The following PCSK5 variants were observed in gnomAD, a reference collection of about 807,000 sequenced individuals.
The protein encoded by PCSK5 is prohormone convertase 5.
PCSK5 carries 129 observed loss-of-function variants against 233.2 expected under a neutral mutation model. The ratio of observed to expected loss-of-function variants is 0.55; its 90% confidence interval spans 0.48 to 0.64. The LOEUF is 0.64. Ranked by LOEUF, PCSK5 falls within the 30% of genes least tolerant of loss-of-function variation. The probability of loss-of-function intolerance (pLI) is 0.00; values close to 1 mark genes in which losing one functional copy is unlikely to be tolerated. For missense variants in PCSK5, 2,076 were observed against 2,430.1 expected, an observed-to-expected ratio of 0.85 and a Z score of 3.06; for synonymous variants, 825 against 879.2, an observed-to-expected ratio of 0.94 and a Z score of 1.09.
intron 5 of PCSK5, among the ~76,000 whole-genome samples, chr9:76,048,070 A>G (rs544962160): frequency 6.6e-6 from 1 of 151,896 alleles, no homozygotes; most frequent in African/African-American, 2.4e-5. Context: ...TCTTTCTTCC[A>G]TTTTTACTGA....
intron 10 of PCSK5, among the ~76,000 whole-genome samples, chr9:76,142,025 G>A (rs1170952120): frequency 1.5e-4 from 23 of 151,980 alleles, no homozygotes; most frequent in Admixed American, 1.4e-3. Flanking sequence ...ATAACTATTG[G>A]ATACTGGGCT....
In PCSK5 at chr9:76,323,078, G is replaced by A. The variant is rs780259704; in HGVS notation, c.4129G>A (p.Asp1377Asn). The A allele has an allele frequency of 5.6e-6, 9 of 1,606,696 alleles. No homozygotes were observed. Among genetic ancestry groups the A allele is most frequent in the Middle Eastern group, 1.7e-4 (1 of 6,052 alleles). The change falls in exon 32 of 38, where the codon GAT (aspartate) becomes AAT (asparagine). Residue 1377 changes from aspartate to asparagine, a missense_variant. Physicochemically the swap from Asp to Asn is conservative, Grantham distance 23. Around this residue, in one of 6 missense-constraint regions of PCSK5, gnomAD observed 1,510 missense variants for 1,538.1 expected, o/e 0.98. Coordinates refer to ENST00000674117, the MANE Select transcript of PCSK5 (RefSeq NM_001372043.1). ...KECTPEFFLHDDMCHQSCPRG... is the reference protein window; with the variant it reads ...KECTPEFFLHNDMCHQSCPRG... ...GTGCACGCCTGAGTTCTTCCTGCAC[G>A]ATGATATGTGCCACCAGTCCTGTCC...
intron 1 of PCSK5, among the ~76,000 whole-genome samples, chr9:75,896,538 A>G (rs906290658): frequency 6.6e-6 from 1 of 152,128 alleles, no homozygotes; most frequent in Middle Eastern, 3.2e-3. Flanking sequence ...AAGTTATGTG[A>G]AGCAGTGTCT....
At chr9:76,251,085 T>C (rs2131344541) in intron 24 of PCSK5, among the ~76,000 whole-genome samples, 1 of 151,998 alleles carries the variant, frequency 6.6e-6, no homozygotes, top group African/African-American at 2.4e-5. Flanking sequence ...CTGGGCAACA[T>C]AGCCAGATAC....
chr9:76,202,309 A>G (rs1266783883), intron 20 of PCSK5, among the ~76,000 whole-genome samples: 1 of 152,174 alleles, frequency 6.6e-6, no homozygotes, highest in Non-Finnish European at 1.5e-5. Context: ...ATATTGCAGT[A>G]TCTCCTCATT....
At position 76,272,322 on chromosome 9, in the gene PCSK5, A is replaced by T. The variant is rs116610256; in HGVS notation, c.3143-19911A>T. 4.5e-3 allele frequency among the ~76,000 whole-genome samples: 685 copies of T among 152,206 alleles called. 5 individuals are homozygous for T. The highest frequency in any genetic ancestry group is 0.016 in the African/African-American group (659 of 41,524). On this transcript the variant is annotated intron_variant, in intron 24 of 37. Transcript: ENST00000674117. ...CAGACACCATTCCCCCAGATACCACATCAGTCTTCTAACTAGTCTCTCTGA... is the reference window on the plus strand; with the variant it reads ...CAGACACCATTCCCCCAGATACCACTTCAGTCTTCTAACTAGTCTCTCTGA...
At chr9:75,956,900 G>A (rs1363224606) in intron 2 of PCSK5, among the ~76,000 whole-genome samples, 1 of 152,020 alleles carries the variant, frequency 6.6e-6, no homozygotes, top group Non-Finnish European at 1.5e-5. Context: ...GTCACAAATT[G>A]TGAAAGACCA....
Position 76,081,789 on chromosome 9 carries a change from C to G in PCSK5, c.894+9891C>G, listed in dbSNP as rs138507950. On this transcript the variant is annotated intron_variant, in intron 7 of 37. Transcript: ENST00000674117. Reference sequence around the variant, plus strand: ...GATGGCTCTCCCATTCACCCAGTCTCCCTTCCTAACCCCGAGATTTCTTCC... The same window carrying G: ...GATGGCTCTCCCATTCACCCAGTCTGCCTTCCTAACCCCGAGATTTCTTCC... Among the ~76,000 whole-genome samples, 564 of 152,196 alleles carry G rather than the reference C, an allele frequency of 3.7e-3. 5 individuals are homozygous for G. The highest frequency in any genetic ancestry group is 0.023 in the South Asian group (113 of 4,814).
intron 24 of PCSK5, among the ~76,000 whole-genome samples, chr9:76,245,317 A>G (rs1826556042): frequency 6.6e-6 from 1 of 152,214 alleles, no homozygotes; most frequent in Non-Finnish European, 1.5e-5. Flanking sequence ...TTGGGATAAA[A>G]CATATCCAAA....
chr9:75,963,759 A>C (rs993215950), intron 2 of PCSK5, among the ~76,000 whole-genome samples: 5 of 152,182 alleles, frequency 3.3e-5, no homozygotes, highest in Non-Finnish European at 7.3e-5. Context: ...CGCTCCTGTA[A>C]TCCCTGCTAC....
intron 5 of PCSK5, among the ~76,000 whole-genome samples, chr9:76,028,236 A>G (rs1828509515): frequency 6.6e-6 from 1 of 152,210 alleles, no homozygotes; most frequent in African/African-American, 2.4e-5. Context: ...GTTTTCTTTC[A>G]GACTTACTGT....
At chr9:75,912,711 G>T (rs1360752786) in intron 1 of PCSK5, among the ~76,000 whole-genome samples, 1 of 152,172 alleles carries the variant, frequency 6.6e-6, no homozygotes, top group Non-Finnish European at 1.5e-5. Context: ...GAAGGTAATT[G>T]TTGAGAATGT....
chr9:75,891,671 C>G (rs1825611596), intron 1 of PCSK5, among the ~76,000 whole-genome samples: 1 of 151,976 alleles, frequency 6.6e-6, no homozygotes, highest in South Asian at 2.1e-4. Context: ...GCTTCAGAGA[C>G]GGCTGGACCT....
At chr9:76,308,196 C>CA (rs1240055573) in intron 28 of PCSK5, among the ~76,000 whole-genome samples, 1 of 151,738 alleles carries the variant, frequency 6.6e-6, no homozygotes, top group Admixed American at 6.6e-5. Context: ...GACTCTGTCT[C>CA]AAAAAAGAAA....
chr9:76,087,674 G>C (rs1048970001), intron 7 of PCSK5, among the ~76,000 whole-genome samples: 1 of 152,204 alleles, frequency 6.6e-6, no homozygotes, highest in Non-Finnish European at 1.5e-5. Context: ...ATTTTCATTT[G>C]TGAATGGTAA....
chr9:76,341,781 T>C (rs1182532542), intron 35 of PCSK5, among the ~76,000 whole-genome samples: 1 of 152,220 alleles, frequency 6.6e-6, no homozygotes, highest in Non-Finnish European at 1.5e-5. Context: ...GAACAAGATG[T>C]TCCAGTATTC....
At chr9:76,064,352 G>C (rs1204259353) in intron 5 of PCSK5, among the ~76,000 whole-genome samples, 1 of 103,942 alleles carries the variant, frequency 9.6e-6, no homozygotes, top group Non-Finnish European at 2.0e-5. Context: ...GGCTGGCCGG[G>C]CGGGGGGCTG....
At chr9:76,331,280 T>C (rs1278061926) in intron 33 of PCSK5, among the ~76,000 whole-genome samples, 2 of 152,148 alleles carry the variant, frequency 1.3e-5, no homozygotes, top group Non-Finnish European at 2.9e-5. Flanking sequence ...TAAAGGACTT[T>C]GGGGCAGTGA....
chr9:76,172,488 G>A (rs957655277), intron 13 of PCSK5, among the ~76,000 whole-genome samples: 3 of 152,116 alleles, frequency 2.0e-5, no homozygotes, highest in Non-Finnish European at 4.4e-5. Context: ...TACACAGGAA[G>A]GATATCCCTA....
Sources: gnomAD v4.1 joint callset for allele counts (sites outside exome capture counted in the v4.1 genomes callset) on GRCh38, gnomAD v4.1.1 for gene constraint, gnomAD v4.1.1 regional missense constraint, MANE v1.5 for transcripts, NCBI Gene and HGNC (gene_info 2026-07-23, HGNC 2026-07-21) for gene names.